The following MYOM1 variants were observed in gnomAD, a reference collection of about 807,000 sequenced individuals.
MYOM1 encodes the protein myomesin 1, also known as myomesin-1.
In MYOM1, 164 loss-of-function variants were observed where a neutral mutation model predicts 205.3. The ratio of observed to expected loss-of-function variants is 0.80; its 90% CI spans 0.70 to 0.91. The LOEUF (loss-of-function observed/expected upper bound fraction) is 0.91, where lower values mean the gene tolerates loss of function less well. MYOM1 is among the 40% of genes least tolerant of loss of function. The probability of loss-of-function intolerance (pLI) is 0.00; values close to 1 mark genes in which losing one functional copy is unlikely to be tolerated. For synonymous variants in MYOM1, 772 were observed against 789.4 expected, an observed-to-expected ratio of 0.98 and a Z score of 0.37; for missense variants, 2,011 against 2,127.3, an observed-to-expected ratio of 0.95 and a Z score of 1.08.
chr18:3,067,711 G>A (rs1369464675), intron 37 of MYOM1, among the ~76,000 whole-genome samples, 156 bp from the exon 38 acceptor site: 2 of 152,202 alleles, frequency 1.3e-5, no homozygotes, highest in African/African-American at 4.8e-5. Context: ...ATGCACCTGT[G>A]TGAGTTACAG....
chr18:3,073,981 A>C (rs540236694), intron 36 of MYOM1, among the ~76,000 whole-genome samples: 10 of 152,338 alleles, frequency 6.6e-5, no homozygotes, highest in African/African-American at 2.2e-4. Flanking sequence ...AGCTGAACTA[A>C]GGAGCAAAAA....
At chr18:3,093,057 G>T (rs947259763) in intron 26 of MYOM1, among the ~76,000 whole-genome samples, 1 of 152,122 alleles carries the variant, frequency 6.6e-6, no homozygotes, top group Admixed American at 6.6e-5. Context: ...GAGGAGACGG[G>T]TCGCAGTGGA....
At position 3,196,908 on chromosome 18, in the gene MYOM1, A is replaced by G. The variant is rs567601068; in HGVS notation, c.291-2950T>C. Reference sequence around the variant, plus strand: ...AACCACCTACTTGTTCAACTTCGTAACAGGAAAAGCAAGAACAAAACCATT... The same window carrying G: ...AACCACCTACTTGTTCAACTTCGTAGCAGGAAAAGCAAGAACAAAACCATT... On this transcript the variant is annotated intron_variant, in intron 2 of 37. Coordinates refer to ENST00000356443, the MANE Select transcript of MYOM1 (RefSeq NM_003803.4). Among the ~76,000 whole-genome samples the G allele has an allele frequency of 1.5e-4, 23 of 152,344 alleles. 1 individual carries two copies. Among genetic ancestry groups the G allele is most frequent in the Middle Eastern group, 3.4e-3 (1 of 294 alleles).
rs2143726399 is a variant in MYOM1, at chr18:3,094,227, C to G, written c.3807G>C (p.Leu1269=). Residue 1269 remains leucine, a synonymous_variant, in exon 26 of 38, where the codon CTG becomes CTC. Transcript: ENST00000356443. ...TGTAGTTGACTTTGGCATTGCCAGA[C>G]AGTTTCTCAGCCTGCATCCAAAACC... is the stretch of plus-strand genomic sequence containing the variant. ...QVRFWMQAEK[L]SGNAKVNYIF... 6.2e-7 allele frequency: 1 copy of G among 1,614,002 alleles called. No individual in the cohort carries two copies.
In MYOM1 at chr18:3,067,146, T is replaced by A; in HGVS notation, c.*116A>T. ...TATATGAGTGAAAGACCTGACATTA[T>A]TTTCCCCTCAAGCCAGAAAATAATA... is the stretch of plus-strand genomic sequence containing the variant. On this transcript the variant is annotated 3_prime_UTR_variant, in exon 38 of 38. Transcript: ENST00000356443. 8.5e-7 allele frequency: 1 copy of A among 1,175,352 alleles called. No individual in the cohort carries two copies. Among genetic ancestry groups the A allele is most frequent in the Non-Finnish European group, 1.2e-6 (1 of 852,986 alleles). The allele number at this position is 1,175,352 out of a possible 1,614,324, so 72.8% of individuals were successfully genotyped here.
chr18:3,181,729 A>G (rs2080733509), intron 5 of MYOM1, among the ~76,000 whole-genome samples: 1 of 114,922 alleles, frequency 8.7e-6, no homozygotes, highest in African/African-American at 3.3e-5. Flanking sequence ...GTGAAACTGA[A>G]TAATTTTTTT....
chr18:3,106,242 TCC>T (rs2079449780), intron 22 of MYOM1, among the ~76,000 whole-genome samples: 1 of 152,068 alleles, frequency 6.6e-6, no homozygotes, highest in Non-Finnish European at 1.5e-5. Context: ...CTGGAACTGA[TCC>T]CCCAGGATAA....
At chr18:3,183,847 A>T (rs987678543) in intron 5 of MYOM1, among the ~76,000 whole-genome samples, 20 of 151,746 alleles carry the variant, frequency 1.3e-4, no homozygotes, top group African/African-American at 4.8e-4. Flanking sequence ...TGAAGATTTC[A>T]TGCTCTGTAC....
chr18:3,144,695 T>C (rs2080100084), intron 13 of MYOM1, among the ~76,000 whole-genome samples: 1 of 152,144 alleles, frequency 6.6e-6, no homozygotes, highest in Non-Finnish European at 1.5e-5. Context: ...ATATTAAAAG[T>C]AGATTTCCAA....
intron 8 of MYOM1, among the ~76,000 whole-genome samples, chr18:3,173,456 A>G (rs1354276172): frequency 6.6e-6 from 1 of 152,120 alleles, no homozygotes; most frequent in Non-Finnish European, 1.5e-5. Context: ...CAGGACACCT[A>G]ACCCTGACTG....
the MYOM1 span, among the ~76,000 whole-genome samples, chr18:3,238,964 C>T: frequency 6.6e-6 from 1 of 152,200 alleles, no homozygotes; most frequent in Non-Finnish European, 1.5e-5. Context: ...GCTGGGTATA[C>T]CCAGATAGTA....
At chr18:3,237,598 C>CAAAAAAA in the MYOM1 span, among the ~76,000 whole-genome samples, 4 of 53,608 alleles carry the variant, frequency 7.5e-5, no homozygotes, top group Non-Finnish European at 1.4e-4. Flanking sequence ...GACTCCGTCT[C>CAAAAAAA]AAAAAAAAAA....
At chr18:3,194,276 G>A (rs759446224) in intron 2 of MYOM1, among the ~76,000 whole-genome samples, 1 of 152,206 alleles carries the variant, frequency 6.6e-6, no homozygotes, top group Non-Finnish European at 1.5e-5. Flanking sequence ...TTAATGTCAT[G>A]TTGGAAATTT....
At chr18:3,218,616 AAG>A (rs1489065543) in intron 1 of MYOM1, among the ~76,000 whole-genome samples, 1 of 152,220 alleles carries the variant, frequency 6.6e-6, no homozygotes, top group Non-Finnish European at 1.5e-5. Context: ...TGATAAAACA[AAG>A]GGGTTAGAAA....
chr18:3,080,495 G>C (rs11664916), intron 33 of MYOM1, among the ~76,000 whole-genome samples: 59,924 of 151,712 alleles, frequency 0.39, 13,972 homozygotes, highest in Admixed American at 0.57. Context: ...CCAACATGGT[G>C]AAACCCTGTC....
At chr18:3,102,426 T>C (rs759508297) in intron 23 of MYOM1, 48 bp downstream of exon 23, 4 of 1,538,290 alleles carry the variant, frequency 2.6e-6, no homozygotes, top group Non-Finnish European at 3.5e-6. Flanking sequence ...CACCTCATTC[T>C]CCTACAGTGA....
chr18:3,087,678 C>T (rs966860744), intron 29 of MYOM1, among the ~76,000 whole-genome samples: 3 of 151,958 alleles, frequency 2.0e-5, no homozygotes, highest in African/African-American at 7.2e-5. Flanking sequence ...TTAGTAGAGA[C>T]GGGGTTTCAC....
intron 26 of MYOM1, among the ~76,000 whole-genome samples, chr18:3,091,127 C>T (rs2079220034): frequency 6.6e-6 from 1 of 151,844 alleles, no homozygotes; most frequent in African/African-American, 2.4e-5. Flanking sequence ...ACCAGCCTGA[C>T]CAATATGATG....
At chr18:3,242,811 G>A in the MYOM1 span, among the ~76,000 whole-genome samples, 5,487 of 152,162 alleles carry the variant, frequency 0.036, 142 homozygotes, top group East Asian at 0.1. Flanking sequence ...GCCTGACCTC[G>A]GGTATGTCTT....
Sources: gnomAD v4.1 joint callset for allele counts (sites outside exome capture counted in the v4.1 genomes callset) on GRCh38, gnomAD v4.1.1 for gene constraint, MANE v1.5 for transcripts, NCBI Gene and HGNC (gene_info 2026-07-23, HGNC 2026-07-21) for gene names.